The following AGBL4 variants were observed in gnomAD, a reference collection of about 807,000 sequenced individuals.
The protein encoded by AGBL4 is cytosolic carboxypeptidase 6.
AGBL4 carries 58 observed loss-of-function variants against 66.4 expected under a neutral mutation model. That is an observed-to-expected ratio of 0.87 (90% CI 0.71 to 1.09). The LOEUF is 1.09. AGBL4 is among the 50% of genes least tolerant of loss of function. AGBL4 has a pLI of 0.00. For missense variants in AGBL4, 579 were observed against 631.0 expected (o/e 0.92, Z 0.88); for synonymous variants, 234 against 222.9 (o/e 1.05, Z -0.44).
chr1:49,426,067 G>C (rs1645651746), intron 3 of AGBL4, among the ~76,000 whole-genome samples: 1 of 152,150 alleles, frequency 6.6e-6, no homozygotes, highest in Admixed American at 6.5e-5. Flanking sequence ...AGTGTTAAGA[G>C]TAAGTCAAAA....
At chr1:49,706,044 A>C (rs1432322370) in intron 2 of AGBL4, among the ~76,000 whole-genome samples, 3 of 152,170 alleles carry the variant, frequency 2.0e-5, no homozygotes, top group Non-Finnish European at 2.9e-5. Flanking sequence ...TTTTGGTATC[A>C]AGATGAGGCT....
At chr1:49,084,523 T>A (rs183639280) in intron 4 of AGBL4, among the ~76,000 whole-genome samples, 1 of 152,262 alleles carries the variant, frequency 6.6e-6, no homozygotes, top group Non-Finnish European at 1.5e-5. Flanking sequence ...TCAGATCTCA[T>A]GAGACTTACT....
At chr1:49,347,252 CTT>C (rs35313917) in intron 3 of AGBL4, among the ~76,000 whole-genome samples, 121 of 115,824 alleles carry the variant, frequency 1.0e-3, no homozygotes, top group Non-Finnish European at 1.3e-3. Flanking sequence ...TTCTTTCTTT[CTT>C]TTTTTTTTTT....
At chr1:48,762,886 G>T (rs550598462) in intron 6 of AGBL4, among the ~76,000 whole-genome samples, 1 of 152,138 alleles carries the variant, frequency 6.6e-6, no homozygotes, top group South Asian at 2.1e-4. Context: ...TCTATGACAG[G>T]ATGAGGACAG....
At chr1:49,297,884 C>T (rs975173079) in intron 3 of AGBL4, among the ~76,000 whole-genome samples, 2 of 152,094 alleles carry the variant, frequency 1.3e-5, no homozygotes, top group Non-Finnish European at 2.9e-5. Context: ...TGCACAGAGC[C>T]CTAAGAAAGT....
chr1:49,125,283 T>C (rs552336904), intron 4 of AGBL4, among the ~76,000 whole-genome samples: 1 of 152,290 alleles, frequency 6.6e-6, no homozygotes, highest in Non-Finnish European at 1.5e-5. Flanking sequence ...TTAATATATA[T>C]ATATTACTTA....
chr1:49,819,326 T>G (rs1022778237), intron 2 of AGBL4, among the ~76,000 whole-genome samples: 1 of 152,246 alleles, frequency 6.6e-6, no homozygotes, highest in Non-Finnish European at 1.5e-5. Context: ...CATTTCTCTC[T>G]TGCGATGCAT....
At position 48,801,658 on chromosome 1, in the gene AGBL4, A is replaced by G. The variant is rs1645811529; in HGVS notation, c.634+65533T>C. Among the ~76,000 whole-genome samples, 3 of 152,118 alleles carry G rather than the reference A, an allele frequency of 2.0e-5. No homozygotes were observed. The South Asian group carries it at 6.2e-4, about 32-fold the overall frequency. On this transcript the variant is annotated intron_variant, in intron 6 of 13. Transcript: ENST00000371839. Reference sequence around the variant, plus strand: ...GGTTCCCCAGTGGGGATGTGTGTTTATAGGTAGGTTTTCCCCTCTCACACT... The same window carrying G: ...GGTTCCCCAGTGGGGATGTGTGTTTGTAGGTAGGTTTTCCCCTCTCACACT...
At chr1:49,663,890 A>C (rs1445377635) in intron 3 of AGBL4, among the ~76,000 whole-genome samples, 1 of 151,932 alleles carries the variant, frequency 6.6e-6, no homozygotes, top group Non-Finnish European at 1.5e-5. Context: ...GTCTTCCTGA[A>C]TGCAAAAGAA....
rs532746753 is a variant in AGBL4, at chr1:49,335,757, C to T, written c.283-89893G>A. On this transcript the variant is annotated intron_variant, in intron 3 of 13. Transcript: ENST00000371839. ...GTCTCAATCTCCTGACCTTGTGATCCGCCCACCTTGGCCCCCCAAAATGCT... is the reference window on the plus strand; with the variant it reads ...GTCTCAATCTCCTGACCTTGTGATCTGCCCACCTTGGCCCCCCAAAATGCT... Among the ~76,000 whole-genome samples, 183 of 152,204 alleles carry T rather than the reference C, an allele frequency of 1.2e-3. 2 individuals are homozygous for T. The highest frequency in any genetic ancestry group is 1.9e-3 in the Non-Finnish European group (132 of 68,010).
At chr1:49,351,935 T>C (rs1206864168) in intron 3 of AGBL4, among the ~76,000 whole-genome samples, 5 of 152,230 alleles carry the variant, frequency 3.3e-5, no homozygotes, top group Admixed American at 2.0e-4. Flanking sequence ...TCGTGAGTCA[T>C]GCCCAAATTC....
chr1:48,615,021 C>T (rs948486835), intron 9 of AGBL4, among the ~76,000 whole-genome samples: 1 of 151,882 alleles, frequency 6.6e-6, no homozygotes. Flanking sequence ...CATCTGAAGG[C>T]CATATGGAAT....
intron 3 of AGBL4, among the ~76,000 whole-genome samples, chr1:49,680,732 A>G (rs1028786933): frequency 6.6e-6 from 1 of 152,110 alleles, no homozygotes; most frequent in Non-Finnish European, 1.5e-5. Context: ...AGGTTCACCC[A>G]ATCTATAGGT....
At chr1:49,406,481 G>A (rs1645201026) in intron 3 of AGBL4, among the ~76,000 whole-genome samples, 2 of 151,998 alleles carry the variant, frequency 1.3e-5, no homozygotes, top group Admixed American at 6.6e-5. Context: ...AAGAAAATTG[G>A]CAGCAATTTA....
intron 6 of AGBL4, among the ~76,000 whole-genome samples, chr1:48,865,476 T>C (rs1254058160): frequency 6.6e-6 from 1 of 152,164 alleles, no homozygotes; most frequent in Non-Finnish European, 1.5e-5. Context: ...CCTTTTGGGA[T>C]GCCCTGGCTC....
chr1:48,905,918 C>G (rs1021980179), intron 5 of AGBL4, among the ~76,000 whole-genome samples: 2 of 152,172 alleles, frequency 1.3e-5, no homozygotes, highest in African/African-American at 4.8e-5. Context: ...GTGCCAGACT[C>G]TTACAGGAAC....
chr1:48,680,505 G>C (rs72902808), intron 6 of AGBL4, among the ~76,000 whole-genome samples: 2,376 of 152,270 alleles, frequency 0.016, 73 homozygotes, highest in African/African-American at 0.055. Flanking sequence ...CAACAAAACA[G>C]CTCTCAACAC....
In AGBL4 at chr1:48,980,605, C is replaced by T. The variant is rs920441176; in HGVS notation, c.594+64979G>A. Among the ~76,000 whole-genome samples, 3 of 151,186 alleles carry T rather than the reference C, an allele frequency of 2.0e-5. No homozygotes were observed. In the East Asian group the frequency reaches 5.8e-4, roughly 29 times the overall value. Reference sequence around the variant, plus strand: ...GTCACAGCTACTTGGGAGGGTGAGGCAGGAGGAATACTTGAGCCCAGGAGT... The same window carrying T: ...GTCACAGCTACTTGGGAGGGTGAGGTAGGAGGAATACTTGAGCCCAGGAGT... On this transcript the variant is annotated intron_variant, in intron 5 of 13. Transcript: ENST00000371839.
rs181158057 is a variant in AGBL4, at chr1:48,960,932, A to G, written c.594+84652T>C. On this transcript the variant is annotated intron_variant, in intron 5 of 13. Transcript: ENST00000371839. ...AACTATCTATAATACACACTCTGCA[A>G]TTAGGACCCTTAATTGTTCTTGTAG... Among the ~76,000 whole-genome samples the G allele has an allele frequency of 1.2e-3, 177 of 152,382 alleles. 2 individuals are homozygous for G. Among genetic ancestry groups the G allele is most frequent in the African/African-American group, 4.2e-3 (173 of 41,594 alleles).
Sources: allele counts gnomAD v4.1 joint callset (sites outside exome capture counted in the v4.1 genomes callset), GRCh38; gene constraint gnomAD v4.1.1; transcripts MANE v1.5; gene names NCBI Gene and HGNC (gene_info 2026-07-23, HGNC 2026-07-21).